The following FGF2 variants were observed in gnomAD, a reference collection of about 807,000 sequenced individuals.
FGF2 encodes the protein fibroblast growth factor 2.
In FGF2, 13 loss-of-function variants were observed where a neutral mutation model predicts 15.9. The observed-to-expected ratio is 0.82, with a 90% CI of 0.53 to 1.30. The LOEUF (loss-of-function observed/expected upper bound fraction) is 1.30, where lower values mean the gene tolerates loss of function less well. Ranked by LOEUF, FGF2 falls within the 50% of genes most tolerant of loss-of-function variation. The probability of loss-of-function intolerance (pLI) is 0.00; values close to 1 mark genes in which losing one functional copy is unlikely to be tolerated. For missense variants in FGF2, 163 were observed against 196.9 expected, an observed-to-expected ratio of 0.83 and a Z score of 1.03; for synonymous variants, 90 against 78.4, an observed-to-expected ratio of 1.15 and a Z score of -0.78.
chr4:122,883,123 C>G (rs185554890), intron 2 of FGF2: 1 of 152,198 alleles, frequency 6.6e-6, no homozygotes, highest in Non-Finnish European at 1.5e-5. Context: ...TCCCACTCTT[C>G]TACCTGGCCC....
chr4:122,860,829 T>C (rs1726448193), intron 1 of FGF2, among the ~76,000 whole-genome samples: 1 of 152,186 alleles, frequency 6.6e-6, no homozygotes, highest in Non-Finnish European at 1.5e-5. Context: ...GGTTCTAAAG[T>C]ATAGATTTAT....
chr4:122,844,119 C>A (rs986938037), intron 1 of FGF2, among the ~76,000 whole-genome samples: 2 of 152,202 alleles, frequency 1.3e-5, no homozygotes, highest in African/African-American at 4.8e-5. Context: ...TCTTCAAACC[C>A]TCCTGCTGCT....
At chr4:122,843,073 G>T (rs1402016368) in intron 1 of FGF2, among the ~76,000 whole-genome samples, 3 of 152,158 alleles carry the variant, frequency 2.0e-5, no homozygotes, top group African/African-American at 7.2e-5. Flanking sequence ...TGTTTGGCAC[G>T]ACAAGAAAGA....
At chr4:122,840,434 C>G (rs1484067412) in intron 1 of FGF2, 1 of 152,338 alleles carries the variant, frequency 6.6e-6, no homozygotes, top group Non-Finnish European at 1.5e-5. Flanking sequence ...CGATGCATGG[C>G]CAAGTACAAG....
chr4:122,830,738 T>C (rs1725746570), intron 1 of FGF2, among the ~76,000 whole-genome samples: 1 of 146,562 alleles, frequency 6.8e-6, no homozygotes, highest in Non-Finnish European at 1.5e-5. Flanking sequence ...ACGTACAACA[T>C]GTGGTAGAGT....
At chr4:122,847,703 C>T (rs1421777687) in intron 1 of FGF2, among the ~76,000 whole-genome samples, 1 of 152,126 alleles carries the variant, frequency 6.6e-6, no homozygotes. Context: ...GGAATTGGCT[C>T]ATGTGATTAC....
In FGF2 at chr4:122,849,636, G is replaced by C. The variant is rs143788142; in HGVS notation, c.178+22284G>C. On this transcript the variant is annotated intron_variant, in intron 1 of 2. Coordinates refer to ENST00000644866, the MANE Select transcript of FGF2 (RefSeq NM_001361665.2). The stretch of plus-strand genomic sequence containing the variant: ...AGACAAATGTTCTACTAAATGGTGA[G>C]CTTAGCTTGGCTAGCACAGTGTGGG... Among the ~76,000 whole-genome samples the C allele has an allele frequency of 1.8e-3, 274 of 152,262 alleles. 3 individuals carry two copies. Among genetic ancestry groups the C allele is most frequent in the Non-Finnish European group, 2.8e-3 (189 of 68,004 alleles).
chr4:122,877,116 CT>C (rs113041646), intron 2 of FGF2, among the ~76,000 whole-genome samples: 29 of 142,682 alleles, frequency 2.0e-4, no homozygotes, highest in Non-Finnish European at 2.5e-4. Flanking sequence ...TTTTTTTTTT[CT>C]TTTTTTTTTT....
At position 122,876,366 on chromosome 4, in the gene FGF2, A is replaced by C; in HGVS notation, c.224A>C (p.Lys75Thr). The part of the protein sequence containing the change: ...QAEERGVVSI[K>T]GVCANRYLAM... ...GAAGAGAGAGGAGTTGTGTCTATCAAAGGAGTGTGTGCTAACCGTTACCTG... is the reference window on the plus strand; with the variant it reads ...GAAGAGAGAGGAGTTGTGTCTATCACAGGAGTGTGTGCTAACCGTTACCTG... Residue 75 changes from lysine to threonine, a missense_variant, in exon 2 of 3, where the codon AAA becomes ACA. By Grantham distance (78) the Lys-to-Thr change is moderately conservative. Transcript: ENST00000644866. 6.2e-7 allele frequency: 1 copy of C among 1,613,744 alleles called. No homozygotes were observed. The highest frequency in any genetic ancestry group is 2.2e-5 in the East Asian group (1 of 44,862).
intron 1 of FGF2, among the ~76,000 whole-genome samples, chr4:122,830,270 A>G (rs1725734233): frequency 6.6e-6 from 1 of 152,220 alleles, no homozygotes; most frequent in South Asian, 2.1e-4. Context: ...AGACTGTGAT[A>G]TAAATGATGG....
chr4:122,869,848 C>A (rs1726691517), intron 1 of FGF2, among the ~76,000 whole-genome samples: 3 of 152,168 alleles, frequency 2.0e-5, no homozygotes, highest in Admixed American at 2.0e-4. Flanking sequence ...TGCCTGATTT[C>A]CCTGGCCAGA....
At position 122,876,367 on chromosome 4, in the gene FGF2, A is replaced by AGG; in HGVS notation, c.226_227dup (p.Val77GlufsTer10). The stretch of plus-strand genomic sequence containing the variant: ...AAGAGAGAGGAGTTGTGTCTATCAA[A>AGG]GGAGTGTGTGCTAACCGTTACCTGG... On this transcript the variant is annotated frameshift_variant, in exon 2 of 3. Transcript: ENST00000644866. LOFTEE classifies it high-confidence loss of function. The AGG allele has an allele frequency of 1.2e-6, 2 of 1,613,712 alleles. No homozygotes were observed. Among genetic ancestry groups the AGG allele is most frequent in the Non-Finnish European group, 1.7e-6 (2 of 1,179,754 alleles).
At chr4:122,874,801 G>T (rs955720594) in intron 1 of FGF2, among the ~76,000 whole-genome samples, 1 of 151,950 alleles carries the variant, frequency 6.6e-6, no homozygotes, top group African/African-American at 2.4e-5. Context: ...TTCAAAAGTT[G>T]CTTTTTCATG....
Position 122,893,484 on chromosome 4 carries a change from T to C in FGF2, c.*1088T>C, listed in dbSNP as rs1362520254. 3 of 333,656 alleles carry C rather than the reference T, an allele frequency of 9.0e-6. No homozygotes were observed. The highest frequency in any genetic ancestry group is 1.1e-4 in the South Asian group (1 of 8,960). The allele number at this position is 333,656 out of a possible 1,614,324, so 20.7% of individuals were successfully genotyped here. ...TGGAGGCTTATCTACCTGTACATTT[T>C]TGGGGTCAGCTCTTTTTAACTTCTT... On this transcript the variant is annotated 3_prime_UTR_variant, in exon 3 of 3. Transcript: ENST00000644866.
At chr4:122,878,585 C>T (rs562826413) in intron 2 of FGF2, among the ~76,000 whole-genome samples, 42 of 152,054 alleles carry the variant, frequency 2.8e-4, no homozygotes, top group African/African-American at 9.9e-4. Flanking sequence ...CAGTGGAGAG[C>T]CATGAAGAGT....
chr4:122,868,423 A>G (rs1346119572), intron 1 of FGF2, among the ~76,000 whole-genome samples: 1 of 152,158 alleles, frequency 6.6e-6, no homozygotes, highest in Non-Finnish European at 1.5e-5. Context: ...TTCTAGCTTC[A>G]TCCATGTCCC....
rs530424357 is a variant in FGF2, at chr4:122,868,491, G to A, written c.179-7830G>A. On this transcript the variant is annotated intron_variant, in intron 1 of 2. Coordinates refer to ENST00000644866, the MANE Select transcript of FGF2 (RefSeq NM_001361665.2). ...CTGCATAATATTCCACGGTGTGTGTGTACCACATTTTCTTGATCCAGTCTA... is the reference window on the plus strand; with the variant it reads ...CTGCATAATATTCCACGGTGTGTGTATACCACATTTTCTTGATCCAGTCTA... Among the ~76,000 whole-genome samples the A allele has an allele frequency of 1.2e-4, 18 of 152,288 alleles. 1 individual carries two copies. In the South Asian group the frequency reaches 3.5e-3, roughly 30 times the overall value.
In FGF2 at chr4:122,827,342, C is replaced by T; in HGVS notation, c.168C>T (p.Ser56=). ...GAGTTGACGGGGTCCGGGAGAAGAG[C>T]GACCCTCACAGTGAGTGCCGACCCG... ...DGRVDGVREK[S]DPHIKLQLQA... The change falls in exon 1 of 3, where the codon AGC becomes AGT. Residue 56 remains serine, a synonymous_variant. Coordinates refer to ENST00000644866, the MANE Select transcript of FGF2 (RefSeq NM_001361665.2). The surrounding 1 kb of genome is among the most constrained non-coding windows in gnomAD (Gnocchi z 4.2). 1 of 1,612,834 alleles carries T rather than the reference C, an allele frequency of 6.2e-7. No individual in the cohort carries two copies. The highest frequency in any genetic ancestry group is 8.5e-7 in the Non-Finnish European group (1 of 1,179,862).
chr4:122,895,873 T>G lies in FGF2; in HGVS notation c.*3477T>G, dbSNP rs1199316928. 6.6e-6 allele frequency: 1 copy of G among 152,250 alleles called. No homozygotes were observed. Among genetic ancestry groups the G allele is most frequent in the Non-Finnish European group, 1.5e-5 (1 of 68,034 alleles). The allele number at this position is 152,250 out of a possible 1,614,324, so 9.4% of individuals were successfully genotyped here. ...GGCAGTATTCCTAAAGTACATTGCA[T>G]GTTTTCCTAAATACAGAGTTTAAAT... On this transcript the variant is annotated 3_prime_UTR_variant, in exon 3 of 3. Coordinates refer to ENST00000644866, the MANE Select transcript of FGF2 (RefSeq NM_001361665.2).
Sources: allele counts gnomAD v4.1 joint callset (sites outside exome capture counted in the v4.1 genomes callset), GRCh38; gene constraint gnomAD v4.1.1; non-coding constraint Gnocchi (gnomAD v3.1); transcripts MANE v1.5; gene names NCBI Gene and HGNC (gene_info 2026-07-23, HGNC 2026-07-21).